Variants in SLC16A6 observed in about 807,000 individuals in gnomAD.
The protein encoded by SLC16A6 is solute carrier family 16 member 6, also known as monocarboxylate transporter 7.
A neutral mutation model predicts 33.8 loss-of-function variants in SLC16A6; 15 were observed. That is an observed-to-expected ratio of 0.44 (90% confidence interval 0.30 to 0.68). The LOEUF (loss-of-function observed/expected upper bound fraction) is 0.68, where lower values mean the gene tolerates loss of function less well. SLC16A6 is among the 30% of genes least tolerant of loss of function. The pLI is 0.10. For missense variants in SLC16A6, 451 were observed against 661.5 expected, an observed-to-expected ratio of 0.68 and a Z score of 3.49; for synonymous variants, 219 against 248.4, an observed-to-expected ratio of 0.88 and a Z score of 1.11.
intron 2 of SLC16A6, among the ~76,000 whole-genome samples, chr17:68,276,385 C>T (rs1189893206): frequency 6.6e-6 from 1 of 152,192 alleles, no homozygotes; most frequent in East Asian, 1.9e-4. Flanking sequence ...TCAGAGATAA[C>T]AGTTCCATGA....
chr17:68,289,404 A>G (rs1352697673), intron 1 of SLC16A6, among the ~76,000 whole-genome samples: 2 of 152,174 alleles, frequency 1.3e-5, no homozygotes, highest in East Asian at 3.8e-4. Flanking sequence ...GGCATGAAAA[A>G]AATTGTATTA....
chr17:68,275,281 T>C lies in SLC16A6; in HGVS notation c.233-1211A>G, dbSNP rs528024972. 9.2e-5 allele frequency among the ~76,000 whole-genome samples: 14 copies of C among 152,060 alleles called. 1 individual carries two copies. In the South Asian group the frequency reaches 2.9e-3, roughly 31 times the overall value. ...ATTAACTTGACAACAGTGACGTAAG[T>C]GAGCCATTGAGAGTTGGGTCAAGGA... On this transcript the variant is annotated intron_variant, in intron 2 of 5. Coordinates refer to ENST00000580666, the MANE Select transcript of SLC16A6 (RefSeq NM_004694.5).
chr17:68,280,179 C>CAAAAAAAAAAAAAAAAA (rs58937538), intron 1 of SLC16A6, among the ~76,000 whole-genome samples: 1 of 87,568 alleles, frequency 1.1e-5, no homozygotes. Flanking sequence ...AACTCTGTCT[C>CAAAAAAAAAAAAAAAAA]AAAAAAAAAA....
At chr17:68,273,383 T>A (rs2075406939) in intron 3 of SLC16A6, among the ~76,000 whole-genome samples, 1 of 152,020 alleles carries the variant, frequency 6.6e-6, no homozygotes, top group African/African-American at 2.4e-5. Flanking sequence ...CCACCACGCT[T>A]GGCTAGTTTT....
At chr17:68,279,515 G>C (rs1029171132) in intron 1 of SLC16A6, among the ~76,000 whole-genome samples, 1 of 152,082 alleles carries the variant, frequency 6.6e-6, no homozygotes, top group Non-Finnish European at 1.5e-5. Context: ...GAATTTCCAA[G>C]TACATGATGA....
intron 1 of SLC16A6, among the ~76,000 whole-genome samples, chr17:68,288,472 G>A (rs73998073): frequency 6.6e-6 from 1 of 152,106 alleles, no homozygotes; most frequent in Non-Finnish European, 1.5e-5. Flanking sequence ...TTTATCTGAC[G>A]GGTAGGGATA....
intron 1 of SLC16A6, 65 bp from the exon 2 acceptor site, chr17:68,278,392 C>G: frequency 1.0e-6 from 1 of 980,054 alleles, no homozygotes; most frequent in Non-Finnish European, 1.6e-6. Flanking sequence ...TTCTCATACT[C>G]TTAAGCAAAC....
At chr17:68,272,833 A>G in intron 3 of SLC16A6, 66 bp from the exon 4 acceptor site, 5 of 1,590,302 alleles carry the variant, frequency 3.1e-6, no homozygotes, top group Non-Finnish European at 4.3e-6. Context: ...AGGATGCATT[A>G]AAAGATCTGG....
At chr17:68,276,516 A>G (rs2075526615) in intron 2 of SLC16A6, among the ~76,000 whole-genome samples, 1 of 151,472 alleles carries the variant, frequency 6.6e-6, no homozygotes, top group African/African-American at 2.4e-5. Context: ...TGGCATGATC[A>G]TGGCTCACTG....
chr17:68,279,642 A>G (rs76889767), intron 1 of SLC16A6, among the ~76,000 whole-genome samples: 2,353 of 152,300 alleles, frequency 0.015, 57 homozygotes, highest in African/African-American at 0.053. Flanking sequence ...TCAAACTGCA[A>G]TAAACATCAG....
In SLC16A6 at chr17:68,269,025, C is replaced by CCTTGTGT. The variant is rs2075241322; in HGVS notation, c.*64_*70dup. The stretch of plus-strand genomic sequence containing the variant: ...AGTAGAGGGGTTAGCTCCTCTGCCT[C>CCTTGTGT]CTTGTGTCCCCGTTGGGCCCACCCC... On this transcript the variant is annotated 3_prime_UTR_variant, in exon 6 of 6. Coordinates refer to ENST00000580666, the MANE Select transcript of SLC16A6 (RefSeq NM_004694.5). 6.3e-7 allele frequency: 1 copy of CCTTGTGT among 1,592,100 alleles called. No individual in the cohort carries two copies. Among genetic ancestry groups the CCTTGTGT allele is most frequent in the African/African-American group, 1.4e-5 (1 of 73,672 alleles).
intron 1 of SLC16A6, among the ~76,000 whole-genome samples, chr17:68,280,451 A>G (rs1255482539): frequency 1.3e-5 from 2 of 152,208 alleles, no homozygotes; most frequent in Non-Finnish European, 2.9e-5. Flanking sequence ...CACACTGACC[A>G]ATGGAACAGA....
At chr17:68,288,748 G>A (rs2075899765) in intron 1 of SLC16A6, among the ~76,000 whole-genome samples, 2 of 152,156 alleles carry the variant, frequency 1.3e-5, no homozygotes, top group African/African-American at 2.4e-5. Context: ...AGGCAAGGCC[G>A]AAGAGTTGGT....
Position 68,271,826 on chromosome 17 carries a change from CAG to C in SLC16A6, c.506-174_506-173del, listed in dbSNP as rs1402040489. On this transcript the variant is annotated intron_variant, in intron 4 of 5. Coordinates refer to ENST00000580666, the MANE Select transcript of SLC16A6 (RefSeq NM_004694.5). This position sits in a 1 kb window ranked among gnomAD's most constrained non-coding sequence, Gnocchi z 5.3. ...ATCTTTATTTATTTACTTTTTGAGA[CAG>C]AGTCTCACTCTGTCACCAGGCTGGA... Among the ~76,000 whole-genome samples, 4 of 152,160 alleles carry C rather than the reference CAG, an allele frequency of 2.6e-5. No individual in the cohort carries two copies. Among genetic ancestry groups the C allele is most frequent in the Non-Finnish European group, 5.9e-5 (4 of 68,030 alleles).
intron 1 of SLC16A6, among the ~76,000 whole-genome samples, chr17:68,282,167 A>C (rs2075714825): frequency 6.6e-6 from 1 of 152,238 alleles, no homozygotes; most frequent in Non-Finnish European, 1.5e-5. Flanking sequence ...AATACTATGC[A>C]GCCATAAAAA....
intron 5 of SLC16A6, among the ~76,000 whole-genome samples, chr17:68,270,241 G>A (rs1485341022): frequency 1.3e-5 from 2 of 152,122 alleles, no homozygotes; most frequent in African/African-American, 4.8e-5. Flanking sequence ...TGCCTAGCAT[G>A]AGAGAAGGCA....
At chr17:68,270,278 G>A (rs1345178268) in intron 5 of SLC16A6, among the ~76,000 whole-genome samples, 13 of 152,070 alleles carry the variant, frequency 8.5e-5, no homozygotes, top group African/African-American at 2.4e-4. Context: ...CTGGGTTGGC[G>A]GGTGCGGTGG....
rs568783964 is a variant in SLC16A6 at position 68,281,560 on chromosome 17, C to T, written c.-7-3233G>A. Among the ~76,000 whole-genome samples the T allele has an allele frequency of 1.5e-3, 224 of 152,050 alleles. 1 individual carries two copies. Among genetic ancestry groups the T allele is most frequent in the Admixed American group, 3.2e-3 (49 of 15,240 alleles). ...ACTGTACTCCAGCCTGGTGACACAG[C>T]GAGACTCTGTCTCAAATAAATAAAT... On this transcript the variant is annotated intron_variant, in intron 1 of 5. Coordinates refer to ENST00000580666, the MANE Select transcript of SLC16A6 (RefSeq NM_004694.5).
chr17:68,283,977 G>A (rs2075782903), intron 1 of SLC16A6, among the ~76,000 whole-genome samples: 1 of 151,292 alleles, frequency 6.6e-6, no homozygotes, highest in Non-Finnish European at 1.5e-5. Flanking sequence ...TGTTATCCCA[G>A]CTACCCAGGA....
Sources: gnomAD v4.1 joint callset for allele counts (sites outside exome capture counted in the v4.1 genomes callset) on GRCh38, gnomAD v4.1.1 for gene constraint, Gnocchi (gnomAD v3.1) non-coding constraint, MANE v1.5 for transcripts, NCBI Gene and HGNC (gene_info 2026-07-23, HGNC 2026-07-21) for gene names.